The following ESRRG variants were observed in gnomAD, a reference collection of about 807,000 sequenced individuals.
The protein encoded by ESRRG is estrogen-related receptor gamma.
Under a neutral mutation model 44.0 loss-of-function variants are expected in ESRRG, and 13 were observed. That is an observed-to-expected ratio of 0.30 (90% confidence interval 0.19 to 0.47). The LOEUF (loss-of-function observed/expected upper bound fraction) is 0.47. ESRRG is among the 20% of genes least tolerant of loss of function. The pLI is 1.00. For missense variants in ESRRG, 395 were observed against 580.6 expected (o/e 0.68, Z 3.29); for synonymous variants, 215 against 214.6 (o/e 1.00, Z -0.02).
chr1:216,534,492 T>C (rs542367356), intron 5 of ESRRG, among the ~76,000 whole-genome samples: 1 of 152,284 alleles, frequency 6.6e-6, no homozygotes, highest in East Asian at 1.9e-4. Context: ...CTTTCATGGA[T>C]ATTAATATCT....
intron 1 of ESRRG, among the ~76,000 whole-genome samples, chr1:216,990,939 GC>G (rs1423738048): frequency 6.6e-6 from 1 of 152,008 alleles, no homozygotes; most frequent in East Asian, 1.9e-4. Context: ...GTCCCCAACT[GC>G]CCCCCAACCC....
At chr1:216,509,276 T>A (rs1441535131) in intron 6 of ESRRG, among the ~76,000 whole-genome samples, 1 of 152,252 alleles carries the variant, frequency 6.6e-6, no homozygotes, top group Non-Finnish European at 1.5e-5. Context: ...CTTCATCAGC[T>A]GTCTTCTTTA....
chr1:216,761,663 A>G (rs74779935), intron 2 of ESRRG, among the ~76,000 whole-genome samples: 3,427 of 152,252 alleles, frequency 0.023, 57 homozygotes, highest in Non-Finnish European at 0.031. Flanking sequence ...AGCAAAATTA[A>G]TCTTTTACCT....
intron 1 of ESRRG, among the ~76,000 whole-genome samples, chr1:216,700,811 C>T (rs912806168): frequency 2.6e-5 from 4 of 152,078 alleles, no homozygotes; most frequent in Non-Finnish European, 4.4e-5. Flanking sequence ...TTTTCATAGT[C>T]GTATTCTTAC....
intron 2 of ESRRG, among the ~76,000 whole-genome samples, chr1:216,859,331 T>C (rs1310040754): frequency 6.6e-6 from 1 of 152,092 alleles, no homozygotes; most frequent in African/African-American, 2.4e-5. Flanking sequence ...ATGCAAAAGG[T>C]GAAGTCAGGC....
intron 3 of ESRRG, among the ~76,000 whole-genome samples, chr1:216,576,838 G>T (rs1336418997): frequency 1.3e-5 from 2 of 151,128 alleles, no homozygotes; most frequent in Non-Finnish European, 1.5e-5. Flanking sequence ...TCTGCAACAG[G>T]TGACAAGTTT....
chr1:217,133,811 GATA>G (rs1274831578), intron 1 of ESRRG, among the ~76,000 whole-genome samples: 2 of 151,906 alleles, frequency 1.3e-5, no homozygotes, highest in Non-Finnish European at 2.9e-5. Flanking sequence ...CAACAGCTAA[GATA>G]AACCCTCAAC....
rs117910727 is a variant in ESRRG, at chr1:216,931,619, C to A, written c.-14+7963G>T. Among the ~76,000 whole-genome samples the A allele has an allele frequency of 2.4e-3, 358 of 152,194 alleles. 4 individuals carry two copies. In the East Asian group the frequency reaches 0.028, roughly 12 times the overall value. On this transcript the variant is annotated intron_variant, in intron 2 of 7. Transcript: ENST00000359162. ...GCCCAATTGGCCCAGGTGCCCTCCT[C>A]AGGGTTCTCCTGGGACTCTGAACAC...
At chr1:216,690,824 T>C (rs897587374) in intron 1 of ESRRG, among the ~76,000 whole-genome samples, 5 of 152,128 alleles carry the variant, frequency 3.3e-5, no homozygotes, top group African/African-American at 1.2e-4. Flanking sequence ...AAAGCCCAGT[T>C]CAAAGTCCAG....
rs138726809 is a variant in ESRRG, at chr1:216,861,005, A to G, written c.-14+78577T>C. Among the ~76,000 whole-genome samples, 104 of 152,262 alleles carry G rather than the reference A, an allele frequency of 6.8e-4. 1 individual carries two copies. In the East Asian group the frequency reaches 0.019, roughly 27 times the overall value. ...AATATATTATTGTAAGTCTCAAACA[A>G]TAAATGAAGAGGTACAGTATCAGTT... On this transcript the variant is annotated intron_variant, in intron 2 of 7. Transcript: ENST00000359162.
intron 1 of ESRRG, among the ~76,000 whole-genome samples, chr1:216,710,307 A>T (rs1193115373): frequency 6.6e-6 from 1 of 152,196 alleles, no homozygotes; most frequent in Non-Finnish European, 1.5e-5. Context: ...CTAACGAAGA[A>T]GCTGGACAAA....
At chr1:217,087,993 C>T (rs1408315319) in intron 1 of ESRRG, among the ~76,000 whole-genome samples, 1 of 151,542 alleles carries the variant, frequency 6.6e-6, no homozygotes, top group Non-Finnish European at 1.5e-5. Flanking sequence ...CCCACAATGA[C>T]AGAACTGTTT....
chr1:216,865,523 T>A (rs901493972), intron 2 of ESRRG, among the ~76,000 whole-genome samples: 6 of 152,120 alleles, frequency 3.9e-5, no homozygotes, highest in African/African-American at 1.4e-4. Flanking sequence ...CATAGCACAA[T>A]TGGGACTGCT....
At position 216,687,035 on chromosome 1, in the gene ESRRG, G is replaced by GTA. The variant is rs1212826177; in HGVS notation, c.57-9545_57-9544insTA. 6.2e-4 allele frequency among the ~76,000 whole-genome samples: 92 copies of GTA among 148,688 alleles called. 2 individuals carry two copies. Among genetic ancestry groups the GTA allele is most frequent in the Non-Finnish European group, 2.7e-4 (18 of 67,772 alleles). ...GGGACATGGCAGGGCCCGTGTGTGT[G>GTA]TGTGTGTGTGTCTGTGTGTGTGTGT... On this transcript the variant is annotated intron_variant, in intron 1 of 6. Transcript: ENST00000408911.
At chr1:216,852,835 T>C (rs2095862571) in intron 2 of ESRRG, among the ~76,000 whole-genome samples, 1 of 146,740 alleles carries the variant, frequency 6.8e-6, no homozygotes, top group Non-Finnish European at 1.5e-5. Context: ...CCACCAGGGC[T>C]CTTTCCATGT....
intron 2 of ESRRG, among the ~76,000 whole-genome samples, chr1:216,926,351 C>T (rs2062571535): frequency 6.6e-6 from 1 of 150,752 alleles, no homozygotes; most frequent in South Asian, 2.1e-4. Context: ...CTGGCCTGTT[C>T]TGTGGGAACA....
chr1:216,797,424 G>T (rs984859232), intron 2 of ESRRG, among the ~76,000 whole-genome samples: 3 of 151,976 alleles, frequency 2.0e-5, no homozygotes, highest in African/African-American at 7.3e-5. Flanking sequence ...TCCATAAGCG[G>T]GAACTATGTT....
chr1:216,720,784 C>A (rs917992525), intron 1 of ESRRG, among the ~76,000 whole-genome samples: 10 of 152,118 alleles, frequency 6.6e-5, no homozygotes, highest in African/African-American at 2.4e-4. Context: ...AATCTTAAAA[C>A]ACGAAACTTA....
chr1:216,611,738 T>C (rs797005438), intron 3 of ESRRG, among the ~76,000 whole-genome samples: 2 of 151,986 alleles, frequency 1.3e-5, no homozygotes, highest in African/African-American at 4.8e-5. Flanking sequence ...TCATATATTT[T>C]GTACTGTGCT....
Sources: allele counts gnomAD v4.1 joint callset (sites outside exome capture counted in the v4.1 genomes callset), GRCh38; gene constraint gnomAD v4.1.1; transcripts MANE v1.5; gene names NCBI Gene and HGNC (gene_info 2026-07-23, HGNC 2026-07-21).